The following TRDN variants were observed in gnomAD, a reference collection of about 807,000 sequenced individuals.
TRDN encodes the protein triadin in skeletal muscle.
A neutral mutation model predicts 149.7 loss-of-function variants in TRDN; 161 were observed. That is an observed-to-expected ratio of 1.08 (90% CI 0.95 to 1.23). TRDN has a LOEUF of 1.23. TRDN is among the 50% of genes most tolerant of loss of function. The pLI is 0.00. For synonymous variants in TRDN, 294 were observed against 250.5 expected, an observed-to-expected ratio of 1.17 and a Z score of -1.64; for missense variants, 896 against 823.5, an observed-to-expected ratio of 1.09 and a Z score of -1.08.
At chr6:123,625,324 AAAT>A (rs896877182) in intron 1 of TRDN, among the ~76,000 whole-genome samples, 9 of 152,306 alleles carry the variant, frequency 5.9e-5, no homozygotes, top group African/African-American at 1.7e-4. Flanking sequence ...GCAATAAAGC[AAAT>A]AATTGCAAGA....
intron 10 of TRDN, among the ~76,000 whole-genome samples, chr6:123,446,292 C>T (rs1183911894): frequency 6.6e-6 from 1 of 151,896 alleles, no homozygotes; most frequent in East Asian, 1.9e-4. Flanking sequence ...TGCTAGATGA[C>T]AAGTTAGTGG....
chr6:123,585,499 A>C (rs947581686), intron 1 of TRDN, among the ~76,000 whole-genome samples: 8 of 152,120 alleles, frequency 5.3e-5, no homozygotes, highest in African/African-American at 1.9e-4. Flanking sequence ...AGTTACCCGA[A>C]GCTCGGCATC....
At chr6:123,532,266 G>T (rs1190299286) in intron 4 of TRDN, among the ~76,000 whole-genome samples, 1 of 148,016 alleles carries the variant, frequency 6.8e-6, no homozygotes, top group Non-Finnish European at 1.5e-5. Flanking sequence ...TGATATTTTG[G>T]TCATATTGGG....
rs146861773 is a variant in TRDN, at chr6:123,365,743, C to T, written c.1321+392G>A. Among the ~76,000 whole-genome samples, 362 of 152,244 alleles carry T rather than the reference C, an allele frequency of 2.4e-3. 2 individuals are homozygous for T. The highest frequency in any genetic ancestry group is 8.4e-3 in the African/African-American group (349 of 41,542). On this transcript the variant is annotated intron_variant, in intron 20 of 40. Coordinates refer to ENST00000334268, the MANE Select transcript of TRDN (RefSeq NM_006073.4). ...ATACATTTCATAATTTTATACTATT[C>T]TTGAACAAAGTGAATCTTGTTCATG...
At chr6:123,511,155 G>A (rs762080295) in intron 7 of TRDN, among the ~76,000 whole-genome samples, 2 of 152,212 alleles carry the variant, frequency 1.3e-5, no homozygotes, top group African/African-American at 2.4e-5. Flanking sequence ...TTTGATTTTT[G>A]TATATGGTGA....
Position 123,392,340 on chromosome 6 carries a change from G to A in TRDN, c.1105+1284C>T, listed in dbSNP as rs80132762. Among the ~76,000 whole-genome samples the A allele has an allele frequency of 3.0e-3, 460 of 152,072 alleles. 13 individuals are homozygous for A. In the East Asian group the frequency reaches 0.075, roughly 25 times the overall value. ...TCCTCATGAATGCCTCTAACATGAG[G>A]CTGAAGTAACTAACACAAAATTCTT... is the stretch of plus-strand genomic sequence containing the variant. On this transcript the variant is annotated intron_variant, in intron 13 of 40. Coordinates refer to ENST00000334268, the MANE Select transcript of TRDN (RefSeq NM_006073.4).
At chr6:123,336,838 TTA>T (rs567709606) in intron 22 of TRDN, among the ~76,000 whole-genome samples, 67 of 151,144 alleles carry the variant, frequency 4.4e-4, no homozygotes, top group African/African-American at 1.2e-3. Context: ...ATATAATAAA[TTA>T]TATGTTATAG....
intron 1 of TRDN, among the ~76,000 whole-genome samples, chr6:123,603,357 C>T (rs1784366841): frequency 1.3e-5 from 2 of 151,900 alleles, no homozygotes; most frequent in South Asian, 2.1e-4. Context: ...GAGTTATCTC[C>T]CTTCCTCTCA....
intron 5 of TRDN, among the ~76,000 whole-genome samples, chr6:123,525,994 G>A (rs1218080761): frequency 6.6e-6 from 1 of 152,010 alleles, no homozygotes; most frequent in Non-Finnish European, 1.5e-5. Context: ...TCTTGAGATG[G>A]TGAGATTATC....
intron 1 of TRDN, among the ~76,000 whole-genome samples, chr6:123,634,221 G>A (rs1442433048): frequency 1.3e-5 from 2 of 151,844 alleles, no homozygotes; most frequent in Non-Finnish European, 2.9e-5. Flanking sequence ...TTGGCTTGAG[G>A]CCAGTAGTTA....
At chr6:123,413,913 C>T (rs1204671709) in intron 12 of TRDN, among the ~76,000 whole-genome samples, 1 of 152,092 alleles carries the variant, frequency 6.6e-6, no homozygotes, top group African/African-American at 2.4e-5. Flanking sequence ...CACCATTAGA[C>T]ATCTCTACCA....
At chr6:123,501,415 T>C (rs765594822) in intron 8 of TRDN, among the ~76,000 whole-genome samples, 3 of 56,210 alleles carry the variant, frequency 5.3e-5, no homozygotes, top group Non-Finnish European at 7.6e-5. Context: ...GTTAGCTTAG[T>C]TGAGCTAACT....
intron 12 of TRDN, among the ~76,000 whole-genome samples, chr6:123,432,560 C>T (rs1262473406): frequency 3.3e-5 from 5 of 152,000 alleles, no homozygotes; most frequent in South Asian, 2.1e-4. Flanking sequence ...TTATGTACAT[C>T]GGGCACTAGA....
intron 37 of TRDN, among the ~76,000 whole-genome samples, chr6:123,254,538 G>C (rs1312094629): frequency 6.6e-6 from 1 of 151,772 alleles, no homozygotes; most frequent in African/African-American, 2.4e-5. Flanking sequence ...TGTTGCCAAG[G>C]CTACATAATT....
At chr6:123,380,363 G>C (rs1347760020) in intron 16 of TRDN, among the ~76,000 whole-genome samples, 1 of 152,156 alleles carries the variant, frequency 6.6e-6, no homozygotes, top group African/African-American at 2.4e-5. Flanking sequence ...ATCTCCAGTT[G>C]TTCTCCATTT....
intron 10 of TRDN, among the ~76,000 whole-genome samples, chr6:123,443,638 A>G (rs1188632852): frequency 6.6e-6 from 1 of 152,092 alleles, no homozygotes; most frequent in Admixed American, 6.5e-5. Context: ...TAAAAATACA[A>G]AAAATTAGCC....
chr6:123,351,637 T>G, intron 21 of TRDN: 2 of 955,640 alleles, frequency 2.1e-6, no homozygotes, highest in Non-Finnish European at 2.5e-6. Context: ...TTATTTGACA[T>G]GTGAGGGATT....
At chr6:123,283,866 G>A (rs2114636459) in intron 24 of TRDN, among the ~76,000 whole-genome samples, 1 of 148,348 alleles carries the variant, frequency 6.7e-6, no homozygotes, top group African/African-American at 2.5e-5. Context: ...TTCTTTAAAT[G>A]TCTGATAGAA....
intron 9 of TRDN, among the ~76,000 whole-genome samples, chr6:123,476,816 T>G (rs2114756336): frequency 6.6e-6 from 1 of 151,736 alleles, no homozygotes; most frequent in Non-Finnish European, 1.5e-5. Flanking sequence ...GGGAAAGGAT[T>G]CCCTATTTAA....
Sources: allele counts gnomAD v4.1 joint callset (sites outside exome capture counted in the v4.1 genomes callset), GRCh38; gene constraint gnomAD v4.1.1; transcripts MANE v1.5; gene names NCBI Gene and HGNC (gene_info 2026-07-23, HGNC 2026-07-21).